SNTG1: variants seen among roughly 807,000 people sequenced by gnomAD.
SNTG1 encodes the protein syntrophin gamma 1.
Under a neutral mutation model 74.7 loss-of-function variants are expected in SNTG1, and 39 were observed. The observed-to-expected ratio is 0.52, with a 90% CI of 0.40 to 0.68. The LOEUF is 0.68. Ranked by LOEUF, SNTG1 falls within the 30% of genes least tolerant of loss-of-function variation. SNTG1 has a pLI of 0.00. For synonymous variants in SNTG1, 254 were observed against 217.1 expected, an observed-to-expected ratio of 1.17 and a Z score of -1.49; for missense variants, 685 against 609.5, an observed-to-expected ratio of 1.12 and a Z score of -1.30.
At chr8:50,144,965 T>C (rs1462636686) in intron 1 of SNTG1, among the ~76,000 whole-genome samples, 1 of 152,148 alleles carries the variant, frequency 6.6e-6, no homozygotes, top group African/African-American at 2.4e-5. Flanking sequence ...CTGCCTGCAG[T>C]GCTCTGGGCT....
In SNTG1 at chr8:50,035,319, T is replaced by A. The variant is rs531537606; in HGVS notation, c.-103+123088T>A. On this transcript the variant is annotated intron_variant, in intron 1 of 18. Transcript: ENST00000642720. ...ATCTTTTACTCACACATCTCACCTC[T>A]GTGGGGGCTCCCTCTGTTCTTTTCC... 4.4e-3 allele frequency among the ~76,000 whole-genome samples: 677 copies of A among 152,278 alleles called. 6 individuals are homozygous for A. The highest frequency in any genetic ancestry group is 0.016 in the African/African-American group (654 of 41,562).
chr8:50,727,755 A>G (rs140560441), intron 17 of SNTG1, among the ~76,000 whole-genome samples: 4 of 152,326 alleles, frequency 2.6e-5, no homozygotes, highest in African/African-American at 4.8e-5. Flanking sequence ...GCTAACTCAC[A>G]CTGTCATCCC....
At chr8:50,153,396 T>C (rs1016775271) in intron 1 of SNTG1, among the ~76,000 whole-genome samples, 2 of 152,196 alleles carry the variant, frequency 1.3e-5, no homozygotes, top group Non-Finnish European at 2.9e-5. Context: ...AAGTATTCTC[T>C]CAACTCGTCA....
At chr8:50,287,388 G>A (rs1474283232) in intron 2 of SNTG1, among the ~76,000 whole-genome samples, 3 of 152,084 alleles carry the variant, frequency 2.0e-5, no homozygotes, top group Non-Finnish European at 4.4e-5. Context: ...GAAAGTTAAC[G>A]TCGTTGCCAT....
chr8:50,570,267 T>C (rs2094540702), intron 12 of SNTG1, among the ~76,000 whole-genome samples: 1 of 134,714 alleles, frequency 7.4e-6, no homozygotes. Context: ...TTTTATTTTA[T>C]TTTATTTTAT....
At chr8:50,002,268 A>G (rs1814811535) in intron 1 of SNTG1, among the ~76,000 whole-genome samples, 3 of 152,186 alleles carry the variant, frequency 2.0e-5, no homozygotes, top group Admixed American at 1.3e-4. Flanking sequence ...TTGTTTAGCC[A>G]TCGGCATAGT....
intron 2 of SNTG1, among the ~76,000 whole-genome samples, chr8:50,222,761 C>A (rs2085134918): frequency 6.6e-6 from 1 of 152,142 alleles, no homozygotes; most frequent in African/African-American, 2.4e-5. Flanking sequence ...AGCCTCACAG[C>A]ATCTCCAGCA....
intron 11 of SNTG1, among the ~76,000 whole-genome samples, chr8:50,545,170 G>C (rs1200925055): frequency 6.6e-6 from 1 of 151,622 alleles, no homozygotes; most frequent in Non-Finnish European, 1.5e-5. Flanking sequence ...TATAATACCT[G>C]TCATATATAA....
chr8:50,706,851 TTAAA>T (rs1173023084), intron 16 of SNTG1, among the ~76,000 whole-genome samples: 2 of 151,832 alleles, frequency 1.3e-5, no homozygotes, highest in African/African-American at 4.8e-5. Flanking sequence ...TGATAGGGAA[TTAAA>T]TAAAGAAGGA....
Position 49,990,880 on chromosome 8 carries a change from T to A in SNTG1, c.-103+78649T>A, listed in dbSNP as rs1300054605. Reference sequence around the variant, plus strand: ...GAAGGAAGTCTTCATGATGGTGTGTTATGGGAAGACTTCTTAGATATGGCC... The same window carrying A: ...GAAGGAAGTCTTCATGATGGTGTGTAATGGGAAGACTTCTTAGATATGGCC... On this transcript the variant is annotated intron_variant, in intron 1 of 18. Coordinates refer to ENST00000642720, the MANE Select transcript of SNTG1 (RefSeq NM_018967.5). Among the ~76,000 whole-genome samples, 3 of 152,252 alleles carry A rather than the reference T, an allele frequency of 2.0e-5. No homozygotes were observed. The South Asian group carries it at 6.2e-4, about 32-fold the overall frequency.
chr8:50,413,343 T>A (rs2092973666), intron 4 of SNTG1, among the ~76,000 whole-genome samples: 1 of 152,198 alleles, frequency 6.6e-6, no homozygotes, highest in African/African-American at 2.4e-5. Flanking sequence ...CATTTGTTTT[T>A]TTCTTCTTCC....
At chr8:50,791,443 C>T (rs1031359263) in intron 18 of SNTG1, among the ~76,000 whole-genome samples, 5 of 151,740 alleles carry the variant, frequency 3.3e-5, no homozygotes, top group Non-Finnish European at 7.4e-5. Flanking sequence ...GCTATGTCTT[C>T]TATATTATAG....
At chr8:50,362,833 T>C (rs1240496203) in intron 2 of SNTG1, among the ~76,000 whole-genome samples, 2 of 152,120 alleles carry the variant, frequency 1.3e-5, no homozygotes, top group African/African-American at 4.8e-5. Context: ...CAAAGACACA[T>C]AAGATTGATA....
intron 12 of SNTG1, among the ~76,000 whole-genome samples, chr8:50,563,330 T>C (rs1423417147): frequency 6.6e-6 from 1 of 152,046 alleles, no homozygotes; most frequent in African/African-American, 2.4e-5. Context: ...TAAAGAAAAA[T>C]GAAGACAGAA....
intron 1 of SNTG1, among the ~76,000 whole-genome samples, chr8:50,025,730 A>C (rs12541543): frequency 0.11 from 16,864 of 152,252 alleles, 1,127 homozygotes; most frequent in South Asian, 0.22. Flanking sequence ...TCAGTAAGGT[A>C]AAAACAGTAG....
In SNTG1 at chr8:50,434,849, A is replaced by G. The variant is rs115892031; in HGVS notation, c.163-3694A>G. Among the ~76,000 whole-genome samples, 658 of 152,286 alleles carry G rather than the reference A, an allele frequency of 4.3e-3. 6 individuals are homozygous for G. Among genetic ancestry groups the G allele is most frequent in the African/African-American group, 0.015 (627 of 41,564 alleles). ...TTCCATTATTGTTCTACAAACAATA[A>G]TGTATTGGTTTCTGTAACACAAAAT... is the stretch of plus-strand genomic sequence containing the variant. On this transcript the variant is annotated intron_variant, in intron 4 of 18. Coordinates refer to ENST00000642720, the MANE Select transcript of SNTG1 (RefSeq NM_018967.5).
At chr8:49,922,409 T>C (rs567061513) in intron 1 of SNTG1, among the ~76,000 whole-genome samples, 186 of 152,246 alleles carry the variant, frequency 1.2e-3, no homozygotes, top group African/African-American at 4.4e-3. Context: ...CCCAAAAGAA[T>C]TAATGTACCA....
chr8:50,019,291 A>G (rs1249011844), intron 1 of SNTG1, among the ~76,000 whole-genome samples: 1 of 152,098 alleles, frequency 6.6e-6, no homozygotes, highest in African/African-American at 2.4e-5. Context: ...GAAGAAAATG[A>G]TGTAAGTTCT....
At chr8:50,110,819 G>C (rs75110428) in intron 1 of SNTG1, among the ~76,000 whole-genome samples, 5,729 of 152,088 alleles carry the variant, frequency 0.038, 147 homozygotes, top group Middle Eastern at 0.061. Context: ...AAAATTTTAT[G>C]TACAAAAATT....
Sources: gnomAD v4.1 joint callset for allele counts (sites outside exome capture counted in the v4.1 genomes callset) on GRCh38, gnomAD v4.1.1 for gene constraint, MANE v1.5 for transcripts, NCBI Gene and HGNC (gene_info 2026-07-23, HGNC 2026-07-21) for gene names.